Variants in FBXO42 observed in about 807,000 individuals in gnomAD.
The protein encoded by FBXO42 is F-box protein 42, also known as F-box only protein 42.
FBXO42 carries 12 observed loss-of-function variants against 71.7 expected under a neutral mutation model. The observed-to-expected ratio is 0.17, with a 90% confidence interval of 0.11 to 0.27. FBXO42 has a LOEUF of 0.27. FBXO42 is among the 10% of genes least tolerant of loss of function. The probability of loss-of-function intolerance (pLI) is 1.00; values close to 1 mark genes in which losing one functional copy is unlikely to be tolerated. For synonymous variants in FBXO42, 325 were observed against 327.5 expected (o/e 0.99, Z 0.08); for missense variants, 707 against 911.9 (o/e 0.78, Z 2.89).
At chr1:16,329,352 G>A (rs1369825377) in intron 1 of FBXO42, among the ~76,000 whole-genome samples, 1 of 151,906 alleles carries the variant, frequency 6.6e-6, no homozygotes, top group Non-Finnish European at 1.5e-5. Context: ...GGGAGACTGA[G>A]GCGGGTGGAG....
intron 1 of FBXO42, among the ~76,000 whole-genome samples, chr1:16,327,734 G>A (rs2082463288): frequency 6.6e-6 from 1 of 152,088 alleles, no homozygotes; most frequent in Admixed American, 6.6e-5. Context: ...ACGGAGTCTC[G>A]CTCTGTTGCC....
At chr1:16,320,286 G>A (rs929016119) in intron 1 of FBXO42, among the ~76,000 whole-genome samples, 26 of 148,756 alleles carry the variant, frequency 1.7e-4, no homozygotes, top group Non-Finnish European at 3.8e-4. Flanking sequence ...ACTTGAACTG[G>A]AGAGGTGGAA....
At chr1:16,347,709 G>C (rs1273610263) in intron 1 of FBXO42, among the ~76,000 whole-genome samples, 2 of 152,110 alleles carry the variant, frequency 1.3e-5, no homozygotes, top group African/African-American at 4.8e-5. Context: ...ACAAAAATTA[G>C]GCAGGCACAG....
intron 4 of FBXO42, among the ~76,000 whole-genome samples, chr1:16,262,534 A>G (rs2081725682): frequency 6.6e-6 from 1 of 152,052 alleles, no homozygotes; most frequent in Admixed American, 6.6e-5. Flanking sequence ...TGGCAAAACC[A>G]TGTCTCTACT....
chr1:16,269,851 C>CTGTTT (rs113133245), intron 4 of FBXO42, among the ~76,000 whole-genome samples: 88 of 150,040 alleles, frequency 5.9e-4, no homozygotes, highest in Admixed American at 2.2e-3. Flanking sequence ...TTTGTTTTTT[C>CTGTTT]TGTTTTGTTT....
intron 4 of FBXO42, among the ~76,000 whole-genome samples, chr1:16,270,674 CAAAAA>C (rs34861558): frequency 3.4e-4 from 5 of 14,908 alleles, no homozygotes; most frequent in East Asian, 5.4e-3. Flanking sequence ...CTCTGTCTCT[CAAAAA>C]AAAAAAAAAA....
At chr1:16,290,016 T>C (rs750511819) in intron 4 of FBXO42, among the ~76,000 whole-genome samples, 12 of 152,162 alleles carry the variant, frequency 7.9e-5, no homozygotes, top group Non-Finnish European at 1.3e-4. Flanking sequence ...CCCGTTACAA[T>C]ATAAGCTCCA....
chr1:16,343,561 CA>C (rs1294460126), intron 1 of FBXO42, among the ~76,000 whole-genome samples: 1 of 151,836 alleles, frequency 6.6e-6, no homozygotes, highest in Admixed American at 6.6e-5. Context: ...AAATAAAAAT[CA>C]AAAAAATTCC....
At chr1:16,289,479 C>T (rs972639242) in intron 4 of FBXO42, among the ~76,000 whole-genome samples, 11 of 151,988 alleles carry the variant, frequency 7.2e-5, no homozygotes, top group African/African-American at 2.7e-4. Flanking sequence ...TCTGAGTCCC[C>T]ACCTTAGTCT....
At chr1:16,310,360 G>GAA (rs982368893) in intron 2 of FBXO42, among the ~76,000 whole-genome samples, 2 of 143,610 alleles carry the variant, frequency 1.4e-5, no homozygotes, top group Non-Finnish European at 3.1e-5. Flanking sequence ...GGTTCCATCT[G>GAA]AAAAAAAAAA....
intron 3 of FBXO42, among the ~76,000 whole-genome samples, chr1:16,296,612 T>C (rs1569876578): frequency 2.2e-5 from 3 of 136,464 alleles, no homozygotes; most frequent in East Asian, 4.5e-4. Flanking sequence ...ATTGCGCCAC[T>C]GCACTCCAGC....
intron 2 of FBXO42, among the ~76,000 whole-genome samples, chr1:16,307,181 C>T (rs2082260320): frequency 6.6e-6 from 1 of 152,130 alleles, no homozygotes; most frequent in Admixed American, 6.6e-5. Context: ...TATGAGCTAC[C>T]ATGCCCAACC....
Position 16,301,524 on chromosome 1 carries a change from G to A in FBXO42, c.367+4279C>T, listed in dbSNP as rs190787608. On this transcript the variant is annotated intron_variant, in intron 3 of 9. Coordinates refer to ENST00000375592, the MANE Select transcript of FBXO42 (RefSeq NM_018994.3). ...CTAAAACTACAAAAATTAGCTGCGC[G>A]TGGTGGCAGGCACCTGTAATCCCAG... is the stretch of plus-strand genomic sequence containing the variant. Among the ~76,000 whole-genome samples, 13 of 151,884 alleles carry A rather than the reference G, an allele frequency of 8.6e-5. No individual in the cohort carries two copies. The East Asian group carries it at 2.0e-3, about 23-fold the overall frequency.
chr1:16,308,740 GTTT>G (rs35488648), intron 2 of FBXO42, among the ~76,000 whole-genome samples: 1 of 80,650 alleles, frequency 1.2e-5, no homozygotes, highest in African/African-American at 5.0e-5. Flanking sequence ...CCCCATCTCT[GTTT>G]TTTTTTTTTT....
chr1:16,339,087 G>A (rs1267996326), intron 1 of FBXO42, among the ~76,000 whole-genome samples: 1 of 152,028 alleles, frequency 6.6e-6, no homozygotes, highest in Non-Finnish European at 1.5e-5. Flanking sequence ...TGGGATTACA[G>A]GCGTAAGCCA....
At chr1:16,348,795 T>C (rs898233197) in intron 1 of FBXO42, among the ~76,000 whole-genome samples, 3 of 152,176 alleles carry the variant, frequency 2.0e-5, no homozygotes, top group Non-Finnish European at 2.9e-5. Context: ...ATTTTATTTA[T>C]TGTTGGGAAA....
chr1:16,264,596 G>A (rs2081751187), intron 4 of FBXO42, among the ~76,000 whole-genome samples: 1 of 152,160 alleles, frequency 6.6e-6, no homozygotes, highest in East Asian at 1.9e-4. Context: ...CATGTTACTT[G>A]AGCCTCTTCC....
intron 1 of FBXO42, among the ~76,000 whole-genome samples, chr1:16,324,313 G>A (rs550599112): frequency 1.3e-5 from 2 of 151,346 alleles, no homozygotes; most frequent in Non-Finnish European, 3.0e-5. Flanking sequence ...TCCCACACAG[G>A]GTACAAAAAG....
chr1:16,284,686 G>T (rs1453390082), intron 4 of FBXO42, among the ~76,000 whole-genome samples: 1 of 152,150 alleles, frequency 6.6e-6, no homozygotes, highest in East Asian at 1.9e-4. Flanking sequence ...AAAAAAATTA[G>T]GCCAGGCGCA....
Sources: allele counts gnomAD v4.1 joint callset (sites outside exome capture counted in the v4.1 genomes callset), GRCh38; gene constraint gnomAD v4.1.1; transcripts MANE v1.5; gene names NCBI Gene and HGNC (gene_info 2026-07-23, HGNC 2026-07-21).